SMYD5: variants seen among roughly 807,000 people sequenced by gnomAD.
The protein encoded by SMYD5 is SMYD family member 5, also known as protein-lysine N-trimethyltransferase SMYD5.
SMYD5 carries 35 observed loss-of-function variants against 57.4 expected under a neutral mutation model. The observed-to-expected ratio is 0.61, with a 90% CI of 0.47 to 0.81. The LOEUF (loss-of-function observed/expected upper bound fraction) is 0.81, where lower values mean the gene tolerates loss of function less well. Ranked by LOEUF, SMYD5 falls within the 30% of genes least tolerant of loss-of-function variation. The pLI is 0.00. For missense variants in SMYD5, 471 were observed against 527.9 expected (o/e 0.89, Z 1.06); for synonymous variants, 198 against 189.7 (o/e 1.04, Z -0.36).
chr2:73,226,128 C>T lies in SMYD5; in HGVS notation c.*182C>T, dbSNP rs1169295244. ...GCCCCAACCCCCACCAGACCTCATG[C>T]CCTGGACACTGCTGCTGAGTTGGCT... On this transcript the variant is annotated 3_prime_UTR_variant, in exon 13 of 13. Coordinates refer to ENST00000389501, the MANE Select transcript of SMYD5 (RefSeq NM_006062.3). The T allele has an allele frequency of 2.5e-6, 2 of 789,660 alleles. No individual in the cohort carries two copies. Among genetic ancestry groups the T allele is most frequent in the East Asian group, 2.7e-5 (1 of 37,012 alleles). 48.9% of individuals were successfully genotyped at this position (789,660 alleles called of 1,614,324 possible).
In SMYD5 at chr2:73,225,961, G is replaced by T. The variant is rs1408629042; in HGVS notation, c.*15G>T. On this transcript the variant is annotated 3_prime_UTR_variant, in exon 13 of 13. Coordinates refer to ENST00000389501, the MANE Select transcript of SMYD5 (RefSeq NM_006062.3). ...CTGATGTGTGATGTTGCCCTGCCCA[G>T]AAAGGGCCCTGCCCTAGACCCTGCC... The T allele has an allele frequency of 1.2e-6, 2 of 1,608,106 alleles. No homozygotes were observed. The highest frequency in any genetic ancestry group is 1.7e-6 in the Non-Finnish European group (2 of 1,176,928).
intron 1 of SMYD5, 55 bp from the exon 2 acceptor site, chr2:73,218,806 C>T (rs577014246): frequency 8.2e-6 from 11 of 1,349,200 alleles, no homozygotes; most frequent in East Asian, 6.9e-5. Context: ...TGGAAGCTCT[C>T]GGAGCTATGT....
chr2:73,224,008 G>A lies in SMYD5; in HGVS notation c.940+5G>A. 6.2e-7 allele frequency: 1 copy of A among 1,614,020 alleles called. No homozygotes were observed. Among genetic ancestry groups the A allele is most frequent in the Non-Finnish European group, 8.5e-7 (1 of 1,179,870 alleles). ...TCTTTGTGCTTCAGAGCTGCTGTGAGTCATGGCGTTGAGGAGGGATGGTCC... is the reference window on the plus strand; with the variant it reads ...TCTTTGTGCTTCAGAGCTGCTGTGAATCATGGCGTTGAGGAGGGATGGTCC... On this transcript the variant is annotated splice_donor_5th_base_variant and intron_variant, in intron 10 of 12. Transcript: ENST00000389501.
chr2:73,221,069 G>C, intron 4 of SMYD5, 96 bp from the exon 5 acceptor site: 1 of 1,121,408 alleles, frequency 8.9e-7, no homozygotes, highest in Non-Finnish European at 1.4e-6. Context: ...TGATGGAATT[G>C]GTAGGAAGTT....
chr2:73,222,871 G>A, intron 7 of SMYD5, 54 bp downstream of exon 7: 2 of 1,572,682 alleles, frequency 1.3e-6, no homozygotes, highest in South Asian at 1.1e-5. Context: ...AGCTCTCCAG[G>A]AGCAATCAGG....
In SMYD5 at chr2:73,219,769, G is replaced by A; in HGVS notation, c.206-282G>A. 6.3e-6 allele frequency: 3 copies of A among 476,560 alleles called. No individual in the cohort carries two copies. In the East Asian group the frequency reaches 1.3e-4, roughly 20 times the overall value. 29.5% of individuals were successfully genotyped at this position (476,560 alleles called of 1,614,324 possible). A position where few individuals can be genotyped will look rare whatever the true frequency, so the allele number is the denominator to read the frequency against. On this transcript the variant is annotated intron_variant, in intron 2 of 12. Coordinates refer to ENST00000389501, the MANE Select transcript of SMYD5 (RefSeq NM_006062.3). ...AAAAGCCCAGTTTGGGGGTGGTAGGGGAGCCCCACAGAGTGAGTCTGATTA... is the reference window on the plus strand; with the variant it reads ...AAAAGCCCAGTTTGGGGGTGGTAGGAGAGCCCCACAGAGTGAGTCTGATTA...
At chr2:73,220,876 T>G in intron 4 of SMYD5, 94 bp downstream of exon 4, 2 of 1,420,174 alleles carry the variant, frequency 1.4e-6, no homozygotes, top group South Asian at 1.3e-5. Context: ...TAAGTTCCAA[T>G]TCCCCGGATT....
chr2:73,225,441 G>C (rs925509945), intron 11 of SMYD5, 190 bp from the exon 12 acceptor site: 1 of 672,350 alleles, frequency 1.5e-6, no homozygotes. Flanking sequence ...CAGGCTGTTG[G>C]AGCCTTATAG....
At position 73,220,704 on chromosome 2, in the gene SMYD5, A is replaced by G; in HGVS notation, c.389A>G (p.Gln130Arg). The change falls in exon 4 of 13, where the codon CAA becomes CGA. Residue 130 changes from glutamine to arginine, a missense_variant. Physicochemically the swap from Gln to Arg is conservative, Grantham distance 43 (BLOSUM62 1). Transcript: ENST00000389501. ...SAECRLAATE[Q>R]YHQVLCPGPS... is the part of the protein sequence containing the mutation. ...GAATGTCGGTTGGCAGCCACTGAGC[A>G]ATACCACCAGGTCCTGTGCCCAGGC... The G allele has an allele frequency of 6.2e-7, 1 of 1,614,068 alleles. No homozygotes were observed. Among genetic ancestry groups the G allele is most frequent in the East Asian group, 2.2e-5 (1 of 44,876 alleles).
intron 1 of SMYD5, 142 bp downstream of exon 1, chr2:73,214,504 C>G: frequency 6.7e-7 from 1 of 1,489,092 alleles, no homozygotes; most frequent in South Asian, 1.3e-5. Context: ...CCCGGGGGCT[C>G]CCAGTCTGTC....
intron 1 of SMYD5, chr2:73,214,662 C>T (rs373447658): frequency 9.6e-6 from 14 of 1,464,958 alleles, no homozygotes; most frequent in Admixed American, 2.1e-5. Flanking sequence ...GCTGCTGTAT[C>T]CCTGGAACGG....
chr2:73,220,641 A>T lies in SMYD5; in HGVS notation c.346-20A>T. ...TCTAGGGCCAGATCCTTGGGTACTGACCTCTATCCCACCTAACAGGTGATG... is the reference window on the plus strand; with the variant it reads ...TCTAGGGCCAGATCCTTGGGTACTGTCCTCTATCCCACCTAACAGGTGATG... On this transcript the variant is annotated intron_variant, in intron 3 of 12. Transcript: ENST00000389501. 1 of 1,613,642 alleles carries T rather than the reference A, an allele frequency of 6.2e-7. No homozygotes were observed. The highest frequency in any genetic ancestry group is 8.5e-7 in the Non-Finnish European group (1 of 1,179,882).
intron 9 of SMYD5, 95 bp from the exon 10 acceptor site, chr2:73,223,852 G>A (rs1686452161): frequency 8.6e-7 from 1 of 1,167,576 alleles, no homozygotes; most frequent in Non-Finnish European, 1.3e-6. Context: ...TGGGGTTGCA[G>A]GACAGTGGAG....
At chr2:73,223,571 G>A (rs1445505338) in intron 9 of SMYD5, 39 bp downstream of exon 9, 5 of 1,343,672 alleles carry the variant, frequency 3.7e-6, no homozygotes, top group South Asian at 2.3e-5. Context: ...CAGCCATGGC[G>A]ACCCCCCCAG....
chr2:73,219,836 G>A, intron 2 of SMYD5: 2 of 661,908 alleles, frequency 3.0e-6, no homozygotes, highest in South Asian at 3.5e-5. Context: ...GGAGGTCCTT[G>A]AGAGGGAGGA....
At chr2:73,214,708 G>A in intron 1 of SMYD5, 5 of 1,371,134 alleles carry the variant, frequency 3.6e-6, no homozygotes, top group South Asian at 1.2e-5. Context: ...GAACTGAGGT[G>A]TAAAAGAGGG....
At chr2:73,221,034 C>A in intron 4 of SMYD5, 131 bp from the exon 5 acceptor site, 2 of 912,598 alleles carry the variant, frequency 2.2e-6, no homozygotes, top group Non-Finnish European at 3.5e-6. Flanking sequence ...TTGCCTAAGT[C>A]CTTGTCTATG....
intron 1 of SMYD5, chr2:73,214,593 A>G: frequency 6.7e-7 from 1 of 1,502,414 alleles, no homozygotes. Flanking sequence ...TCCCAGCGGA[A>G]TTCGGCCAGC....
intron 1 of SMYD5, among the ~76,000 whole-genome samples, chr2:73,217,744 T>C (rs888440244): frequency 3.3e-5 from 5 of 152,214 alleles, no homozygotes; most frequent in African/African-American, 1.2e-4. Context: ...TTTGCTTCAG[T>C]GTCAAGCATT....
Sources: allele counts gnomAD v4.1 joint callset (sites outside exome capture counted in the v4.1 genomes callset), GRCh38; gene constraint gnomAD v4.1.1; transcripts MANE v1.5; gene names NCBI Gene and HGNC (gene_info 2026-07-23, HGNC 2026-07-21).